The following CSMD1 variants were observed in gnomAD, a reference collection of about 807,000 sequenced individuals.
CSMD1 encodes CUB and Sushi multiple domains 1.
CSMD1 carries 213 observed loss-of-function variants against 417.5 expected under a neutral mutation model. The ratio of observed to expected loss-of-function variants is 0.51; its 90% CI spans 0.46 to 0.57. The LOEUF is 0.57. Ranked by LOEUF, CSMD1 falls within the 20% of genes least tolerant of loss-of-function variation. The pLI, the probability that CSMD1 is intolerant of heterozygous loss-of-function variation, is 0.00. For missense variants in CSMD1, 6,923 were observed against 4,529.7 expected (o/e 1.53, Z -15.17); for synonymous variants, 2,862 against 1,736.8 (o/e 1.65, Z -16.11).
At chr8:4,055,517 G>A (rs943495495) in intron 3 of CSMD1, among the ~76,000 whole-genome samples, 1 of 140,864 alleles carries the variant, frequency 7.1e-6, no homozygotes, top group African/African-American at 3.1e-5. Flanking sequence ...GTCAAAATCA[G>A]CTCAAATTTA....
At chr8:4,496,501 C>A (rs1801985644) in intron 2 of CSMD1, among the ~76,000 whole-genome samples, 1 of 152,196 alleles carries the variant, frequency 6.6e-6, no homozygotes, top group African/African-American at 2.4e-5. Context: ...ACTTGTAAGT[C>A]GGGTAATATA....
rs1169940571 is a variant in CSMD1, at chr8:4,265,800, T to G, written c.415+154153A>C. 1.9e-5 allele frequency among the ~76,000 whole-genome samples: 2 copies of G among 105,228 alleles called. 1 individual carries two copies. The highest frequency in any genetic ancestry group is 5.2e-5 in the African/African-American group (2 of 38,626). 69.0% of individuals were successfully genotyped at this position (105,228 alleles called of 152,430 possible). On this transcript the variant is annotated intron_variant, in intron 3 of 69. Transcript: ENST00000635120. ...TTCCCTAATGTGATGTTGACTTTTA[T>G]AAACTCTCACCATTTACCTATCAAC...
At chr8:4,148,380 A>C (rs1585422043) in intron 3 of CSMD1, among the ~76,000 whole-genome samples, 1 of 88,728 alleles carries the variant, frequency 1.1e-5, no homozygotes, top group South Asian at 4.8e-4. Flanking sequence ...GGGTGGGGGG[A>C]GGGCGGAGGA....
chr8:4,760,370 T>C (rs1006961612), intron 1 of CSMD1, among the ~76,000 whole-genome samples: 1 of 152,176 alleles, frequency 6.6e-6, no homozygotes. Flanking sequence ...CGAGGACATG[T>C]CTGCTGCACA....
intron 2 of CSMD1, among the ~76,000 whole-genome samples, chr8:4,458,869 A>G (rs1362485984): frequency 1.3e-5 from 2 of 152,214 alleles, no homozygotes; most frequent in Non-Finnish European, 2.9e-5. Flanking sequence ...CTGAATACTC[A>G]TTCCACAGTG....
intron 3 of CSMD1, among the ~76,000 whole-genome samples, chr8:4,332,773 GTTCAAA>G (rs1226151755): frequency 6.6e-6 from 1 of 152,024 alleles, no homozygotes; most frequent in Non-Finnish European, 1.5e-5. Context: ...TGTGATGAAT[GTTCAAA>G]TTCAAAATAG....
intron 3 of CSMD1, among the ~76,000 whole-genome samples, chr8:4,315,056 C>G (rs565147142): frequency 6.6e-6 from 1 of 152,162 alleles, no homozygotes; most frequent in African/African-American, 2.4e-5. Context: ...TGGCTTCCCA[C>G]TGCCCCGACC....
Position 4,233,658 on chromosome 8 carries a change from A to T in CSMD1, c.415+186295T>A, listed in dbSNP as rs1801875044. Among the ~76,000 whole-genome samples the T allele has an allele frequency of 2.6e-5, 4 of 152,220 alleles. No homozygotes were observed. In the South Asian group the frequency reaches 6.2e-4, roughly 24 times the overall value. On this transcript the variant is annotated intron_variant, in intron 3 of 69. Coordinates refer to ENST00000635120, the MANE Select transcript of CSMD1 (RefSeq NM_033225.6). Reference sequence around the variant, plus strand: ...AGATGCTCCAGATCTGTGAGAAGCAAATTTCTGTGCTTTATAAGCTATCCA... The same window carrying T: ...AGATGCTCCAGATCTGTGAGAAGCATATTTCTGTGCTTTATAAGCTATCCA...
intron 3 of CSMD1, among the ~76,000 whole-genome samples, chr8:4,182,882 C>T (rs1474896788): frequency 6.6e-6 from 1 of 151,986 alleles, no homozygotes; most frequent in Non-Finnish European, 1.5e-5. Flanking sequence ...GAGTCTAGAA[C>T]TGTATGTTTG....
chr8:3,736,847 C>T (rs1446900226), intron 6 of CSMD1, among the ~76,000 whole-genome samples: 1 of 152,158 alleles, frequency 6.6e-6, no homozygotes, highest in Non-Finnish European at 1.5e-5. Flanking sequence ...TTACGTATGT[C>T]TACATATGAA....
At chr8:3,745,722 C>G (rs1408455381) in intron 6 of CSMD1, among the ~76,000 whole-genome samples, 4 of 152,192 alleles carry the variant, frequency 2.6e-5, no homozygotes, top group Admixed American at 1.3e-4. Context: ...AGAGTAGATT[C>G]CTTATTTCAT....
At chr8:4,940,130 G>A (rs1004117821) in intron 1 of CSMD1, among the ~76,000 whole-genome samples, 4 of 152,140 alleles carry the variant, frequency 2.6e-5, no homozygotes, top group Admixed American at 6.5e-5. Flanking sequence ...GGCTCCCCCT[G>A]TGAGAGCAGG....
intron 1 of CSMD1, among the ~76,000 whole-genome samples, chr8:4,870,217 C>G (rs536954466): frequency 6.6e-6 from 1 of 152,078 alleles, no homozygotes; most frequent in Non-Finnish European, 1.5e-5. Flanking sequence ...CCTGGTCCTT[C>G]TTCATCCCAC....
chr8:4,020,006 C>A (rs747769032), intron 4 of CSMD1, among the ~76,000 whole-genome samples: 22 of 151,682 alleles, frequency 1.5e-4, no homozygotes, highest in Non-Finnish European at 2.8e-4. Context: ...TTTGCCATTC[C>A]GCTCTGGGCA....
chr8:4,024,220 G>A (rs2688275), intron 4 of CSMD1, among the ~76,000 whole-genome samples: 32,794 of 152,064 alleles, frequency 0.22, 4,440 homozygotes, highest in South Asian at 0.32. Flanking sequence ...GGAAACAGAA[G>A]TGATGTAACA....
At chr8:4,116,021 G>T (rs1248721400) in intron 3 of CSMD1, among the ~76,000 whole-genome samples, 1 of 147,430 alleles carries the variant, frequency 6.8e-6, no homozygotes, top group African/African-American at 2.5e-5. Context: ...TATTTATGGA[G>T]AGGGAGTCTC....
At chr8:4,854,718 C>T (rs1032474280) in intron 1 of CSMD1, among the ~76,000 whole-genome samples, 4 of 152,184 alleles carry the variant, frequency 2.6e-5, no homozygotes, top group East Asian at 1.9e-4. Flanking sequence ...GCTTAAAAAA[C>T]GGTGCACCAC....
chr8:3,746,609 A>C (rs1036225052), intron 6 of CSMD1, among the ~76,000 whole-genome samples: 1 of 152,234 alleles, frequency 6.6e-6, no homozygotes, highest in African/African-American at 2.4e-5. Context: ...TCATTAATTT[A>C]ACATCTCTGA....
At chr8:4,992,473 G>C (rs1163473495) in intron 1 of CSMD1, among the ~76,000 whole-genome samples, 6 of 152,224 alleles carry the variant, frequency 3.9e-5, no homozygotes, top group Non-Finnish European at 8.8e-5. Flanking sequence ...GTTAGGCTTG[G>C]AGTGCAGGGG....
Sources: gnomAD v4.1 joint callset for allele counts (sites outside exome capture counted in the v4.1 genomes callset) on GRCh38, gnomAD v4.1.1 for gene constraint, MANE v1.5 for transcripts, NCBI Gene and HGNC (gene_info 2026-07-23, HGNC 2026-07-21) for gene names.